The following PCP4L1 variants were observed in gnomAD, a reference collection of about 807,000 sequenced individuals.
PCP4L1 encodes Purkinje cell protein 4-like protein 1.
In PCP4L1, 9 loss-of-function variants were observed where a neutral mutation model predicts 9.6. That is an observed-to-expected ratio of 0.94 (90% CI 0.57 to 1.64). The LOEUF is 1.64. Ranked by LOEUF, PCP4L1 falls within the 40% of genes most tolerant of loss-of-function variation. The pLI is 0.00. For missense variants in PCP4L1, 81 were observed against 80.8 expected (o/e 1.00, Z -0.01); for synonymous variants, 31 against 28.2 (o/e 1.10, Z -0.31).
intron 1 of PCP4L1, among the ~76,000 whole-genome samples, chr1:161,263,166 C>A (rs2102230795): frequency 6.6e-6 from 1 of 152,316 alleles, no homozygotes; most frequent in East Asian, 1.9e-4. Context: ...ACTTCTCATT[C>A]CAAAAGAACA....
At chr1:161,272,705 A>C (rs1391415750) in intron 1 of PCP4L1, among the ~76,000 whole-genome samples, 1 of 151,952 alleles carries the variant, frequency 6.6e-6, no homozygotes, top group Non-Finnish European at 1.5e-5. Context: ...ATTTAAGGAT[A>C]AATATATTTA....
intron 1 of PCP4L1, among the ~76,000 whole-genome samples, chr1:161,270,842 T>C (rs2102235392): frequency 8.2e-6 from 1 of 122,280 alleles, no homozygotes; most frequent in Admixed American, 8.8e-5. Flanking sequence ...GCCACTGCAC[T>C]CCAGCCTGGT....
intron 1 of PCP4L1, among the ~76,000 whole-genome samples, chr1:161,269,469 GTTTAGA>G (rs1168440022): frequency 6.6e-6 from 1 of 152,136 alleles, no homozygotes; most frequent in South Asian, 2.1e-4. Context: ...GATTTCAGAA[GTTTAGA>G]TGAGGTTGCA....
At chr1:161,275,015 G>A (rs890803458) in intron 1 of PCP4L1, among the ~76,000 whole-genome samples, 7 of 152,136 alleles carry the variant, frequency 4.6e-5, no homozygotes, top group African/African-American at 1.7e-4. Context: ...ACCCCGGGGG[G>A]TGGGGGGACC....
intron 1 of PCP4L1, 138 bp from the exon 2 acceptor site, chr1:161,283,530 C>CAAAG: frequency 1.3e-6 from 1 of 743,146 alleles, no homozygotes; most frequent in Non-Finnish European, 2.2e-6. Context: ...TCTCTGATCT[C>CAAAG]AAGACTTGCT....
chr1:161,284,233 A>C, intron 2 of PCP4L1, 106 bp from the exon 3 acceptor site: 1 of 1,503,312 alleles, frequency 6.7e-7, no homozygotes, highest in South Asian at 1.3e-5. Context: ...TGGGGACCCC[A>C]CAGAGTCTGG....
At chr1:161,259,645 A>G (rs1450488714) in intron 1 of PCP4L1, among the ~76,000 whole-genome samples, 2 of 151,988 alleles carry the variant, frequency 1.3e-5, no homozygotes, top group Non-Finnish European at 2.9e-5. Context: ...CCATTAACTG[A>G]TTTACTGTTT....
intron 1 of PCP4L1, among the ~76,000 whole-genome samples, chr1:161,267,719 G>GTTTTTT (rs1558142710): frequency 1.3e-5 from 2 of 151,800 alleles, no homozygotes; most frequent in Non-Finnish European, 2.9e-5. Context: ...TTTTGTTTTT[G>GTTTTTT]TTTTTTTAGA....
At chr1:161,273,485 T>C (rs1330950539) in intron 1 of PCP4L1, among the ~76,000 whole-genome samples, 1 of 152,134 alleles carries the variant, frequency 6.6e-6, no homozygotes, top group African/African-American at 2.4e-5. Flanking sequence ...GCAGTGAGGC[T>C]GAACGAACCA....
chr1:161,265,648 C>T (rs867680950), intron 1 of PCP4L1, among the ~76,000 whole-genome samples: 4 of 151,992 alleles, frequency 2.6e-5, no homozygotes, highest in African/African-American at 7.3e-5. Context: ...ATCCATACTC[C>T]GACCTGCTGC....
chr1:161,273,051 C>T (rs1669647593), intron 1 of PCP4L1, among the ~76,000 whole-genome samples: 3 of 152,196 alleles, frequency 2.0e-5, no homozygotes, highest in Admixed American at 1.3e-4. Flanking sequence ...ACAAGACTCT[C>T]CTTCCTTTCC....
intron 1 of PCP4L1, among the ~76,000 whole-genome samples, chr1:161,274,660 G>A (rs2102237493): frequency 6.6e-6 from 1 of 152,312 alleles, no homozygotes; most frequent in African/African-American, 2.4e-5. Context: ...CAGGAGGGTT[G>A]AGGCAGAGAC....
At chr1:161,272,036 C>T (rs554479477) in intron 1 of PCP4L1, among the ~76,000 whole-genome samples, 2 of 148,318 alleles carry the variant, frequency 1.3e-5, no homozygotes, top group Non-Finnish European at 3.0e-5. Context: ...AAATTCTTGG[C>T]CTCAAGTGAT....
At chr1:161,270,876 T>TA (rs368483521) in intron 1 of PCP4L1, among the ~76,000 whole-genome samples, 52,883 of 135,524 alleles carry the variant, frequency 0.39, 10,049 homozygotes, top group Admixed American at 0.48. Flanking sequence ...AGACTCCGTC[T>TA]AAAAAAAAAA....
chr1:161,282,396 AC>A (rs1246668323), intron 1 of PCP4L1, among the ~76,000 whole-genome samples: 4 of 108,560 alleles, frequency 3.7e-5, no homozygotes, highest in Non-Finnish European at 5.4e-5. Context: ...GGAGAGGGAG[AC>A]CGTGGGGAGA....
intron 1 of PCP4L1, among the ~76,000 whole-genome samples, chr1:161,282,659 C>G (rs867414210): frequency 1.3e-5 from 2 of 152,232 alleles, no homozygotes; most frequent in Middle Eastern, 3.4e-3. Flanking sequence ...TAATTAATAG[C>G]CATCTCAAAT....
chr1:161,271,495 T>C (rs941456183), intron 1 of PCP4L1, among the ~76,000 whole-genome samples: 2 of 152,146 alleles, frequency 1.3e-5, no homozygotes, highest in Non-Finnish European at 2.9e-5. Flanking sequence ...GTCTGTACTT[T>C]GTTTCTTTTT....
Position 161,284,577 on chromosome 1 carries a change from T to G in PCP4L1, c.*96T>G. 6.7e-7 allele frequency: 1 copy of G among 1,486,690 alleles called. No homozygotes were observed. The allele number at this position is 1,486,690 out of a possible 1,614,324, so 92.1% of individuals were successfully genotyped here. On this transcript the variant is annotated 3_prime_UTR_variant, in exon 3 of 3. Transcript: ENST00000504449. ...CTTTATCCCTTGTCCCTCTAGCCTTTCCTTGAGGCAAGTTCAACCTTTATA... is the reference window on the plus strand; with the variant it reads ...CTTTATCCCTTGTCCCTCTAGCCTTGCCTTGAGGCAAGTTCAACCTTTATA...
At chr1:161,271,365 C>G (rs1477041533) in intron 1 of PCP4L1, among the ~76,000 whole-genome samples, 3 of 152,042 alleles carry the variant, frequency 2.0e-5, no homozygotes, top group African/African-American at 7.2e-5. Context: ...AATGTCTGTT[C>G]AAATATTTTG....
Sources: gnomAD v4.1 joint callset for allele counts (sites outside exome capture counted in the v4.1 genomes callset) on GRCh38, gnomAD v4.1.1 for gene constraint, MANE v1.5 for transcripts, NCBI Gene and HGNC (gene_info 2026-07-23, HGNC 2026-07-21) for gene names.